ERAP2: variants seen among roughly 807,000 people sequenced by gnomAD.
The protein encoded by ERAP2 is endoplasmic reticulum aminopeptidase 2.
In ERAP2, 118 loss-of-function variants were observed where a neutral mutation model predicts 111.1. The observed-to-expected ratio is 1.06, with a 90% CI of 0.92 to 1.24. The LOEUF (loss-of-function observed/expected upper bound fraction) is 1.24. Ranked by LOEUF, ERAP2 falls within the 50% of genes most tolerant of loss-of-function variation. ERAP2 has a pLI of 0.00. For synonymous variants in ERAP2, 410 were observed against 401.2 expected (o/e 1.02, Z -0.26); for missense variants, 1,131 against 1,125.8 (o/e 1.00, Z -0.07).
chr5:96,909,118 G>C lies in ERAP2; in HGVS notation c.2169+1G>C, dbSNP rs764730560. On this transcript the variant is annotated splice_donor_variant, in intron 14 of 18. Transcript: ENST00000437043. LOFTEE classifies it high-confidence loss of function. ...TTCAGATATCTCTGAAAACCTCAAG[G>C]TTTGTGTTGCTTTTAGAAAATGTAT... The C allele has an allele frequency of 6.2e-7, 1 of 1,613,784 alleles. No individual in the cohort carries two copies. The highest frequency in any genetic ancestry group is 8.5e-7 in the Non-Finnish European group (1 of 1,179,772).
intron 11 of ERAP2, 85 bp from the exon 12 acceptor site, chr5:96,902,189 C>G: frequency 1.1e-6 from 1 of 926,408 alleles, no homozygotes; most frequent in African/African-American, 1.6e-5. Flanking sequence ...ACTTAGGTGC[C>G]TTTTACAGTC....
At position 96,883,866 on chromosome 5, in the gene ERAP2, AAGCC is replaced by A; in HGVS notation, c.652_655del (p.Ala218ThrfsTer39). The A allele has an allele frequency of 6.2e-7, 1 of 1,613,934 alleles. No individual in the cohort carries two copies. Among genetic ancestry groups the A allele is most frequent in the Non-Finnish European group, 8.5e-7 (1 of 1,179,906 alleles). ...CCTTGCTTTGATGAACCGTTGTTCA[AAGCC>A]AACTTTTCAATCAAGATACGAAGAG... On this transcript the variant is annotated frameshift_variant, in exon 3 of 19. Coordinates refer to ENST00000437043, the MANE Select transcript of ERAP2 (RefSeq NM_022350.5). LOFTEE classifies it high-confidence loss of function.
intron 7 of ERAP2, 105 bp downstream of exon 7, chr5:96,895,464 GT>G: frequency 1.2e-6 from 1 of 819,972 alleles, no homozygotes; most frequent in African/African-American, 1.8e-5. Flanking sequence ...TAATGTTGTG[GT>G]TTTTGAACAT....
At chr5:96,892,039 A>G (rs1321343812) in intron 5 of ERAP2, among the ~76,000 whole-genome samples, 4 of 152,156 alleles carry the variant, frequency 2.6e-5, no homozygotes, top group African/African-American at 7.2e-5. Context: ...AGAGTTCAGC[A>G]CTTTCAGGAA....
chr5:96,880,449 G>A (rs1783010056), intron 2 of ERAP2, among the ~76,000 whole-genome samples, 189 bp downstream of exon 2: 1 of 152,190 alleles, frequency 6.6e-6, no homozygotes, highest in Non-Finnish European at 1.5e-5. Flanking sequence ...GGACTCAGAG[G>A]CATAAACAGC....
rs1038323058 is a variant in ERAP2, at chr5:96,909,581, G to A, written c.2171G>A (p.Arg724His). The A allele has an allele frequency of 8.7e-6, 14 of 1,613,378 alleles. No homozygotes were observed. Among genetic ancestry groups the A allele is most frequent in the African/African-American group, 8.0e-5 (6 of 74,918 alleles). The change falls in exon 15 of 19, where the codon CGT becomes CAT. Residue 724 changes from arginine to histidine, a missense_variant and splice_region_variant. Transcript: ENST00000437043. ...NISDISENLK[R>H]YLLQYFKPVI... ...TTAACCATCTCATATTTTCTGCAGCGTTACCTTCTTCAGTATTTTAAGCCA... is the reference window on the plus strand; with the variant it reads ...TTAACCATCTCATATTTTCTGCAGCATTACCTTCTTCAGTATTTTAAGCCA...
chr5:96,880,412 G>T lies in ERAP2; in HGVS notation c.575+152G>T, dbSNP rs183491567. The T allele has an allele frequency of 9.7e-6, 7 of 725,272 alleles. No homozygotes were observed. The Admixed American group carries it at 1.8e-4, about 18-fold the overall frequency. The allele number at this position is 725,272 out of a possible 1,614,324, so 44.9% of individuals were successfully genotyped here. A position where few individuals can be genotyped will look rare whatever the true frequency, so the allele number is the denominator to read the frequency against. On this transcript the variant is annotated intron_variant, in intron 2 of 18. Coordinates refer to ENST00000437043, the MANE Select transcript of ERAP2 (RefSeq NM_022350.5). ...AAGGAAAAGATCTACCATTCCTTAA[G>T]GAAACCACAGTAGAGATGTAAAGAC...
chr5:96,908,856 T>C, intron 13 of ERAP2, 105 bp from the exon 14 acceptor site: 1 of 1,191,068 alleles, frequency 8.4e-7, no homozygotes. Context: ...CCAGCTATAA[T>C]GACCTACTTC....
intron 1 of ERAP2, among the ~76,000 whole-genome samples, chr5:96,878,073 C>T (rs1462144805): frequency 1.3e-5 from 2 of 152,084 alleles, no homozygotes; most frequent in South Asian, 4.1e-4. Context: ...AGAATTGATT[C>T]CCCCAAATTA....
intron 5 of ERAP2, among the ~76,000 whole-genome samples, chr5:96,889,869 G>C (rs1038179244): frequency 1.6e-4 from 24 of 151,038 alleles, no homozygotes; most frequent in Admixed American, 9.2e-4. Flanking sequence ...CACACGCATT[G>C]CATATTAGAA....
At chr5:96,898,963 C>A (rs1785156223) in intron 9 of ERAP2, among the ~76,000 whole-genome samples, 3 of 152,074 alleles carry the variant, frequency 2.0e-5, no homozygotes, top group Non-Finnish European at 4.4e-5. Context: ...AGTTTAGCTC[C>A]CCTCCAACAC....
chr5:96,886,820 G>A, intron 4 of ERAP2, 31 bp downstream of exon 4: 1 of 1,378,372 alleles, frequency 7.3e-7, no homozygotes, highest in South Asian at 2.1e-5. Context: ...TCTACGCAGT[G>A]CAGAAAAGTG....
chr5:96,906,504 G>A (rs957032975), intron 13 of ERAP2, among the ~76,000 whole-genome samples: 1 of 152,206 alleles, frequency 6.6e-6, no homozygotes, highest in Non-Finnish European at 1.5e-5. Flanking sequence ...CTGGGCTCAA[G>A]CAATCCTCCT....
chr5:96,915,692 G>A lies in ERAP2; in HGVS notation c.2662G>A (p.Asp888Asn). Residue 888 changes from aspartate to asparagine, a missense_variant, in exon 18 of 19, where the codon GAC becomes AAC. Asp to Asn is a conservative substitution (Grantham distance 23). Transcript: ENST00000437043. ...GGTGTTTCTTTTTATTTTCAGATTT[G>A]ACTTGGGCTCATATGACATAAGGAT... Reference protein sequence around the residue: ...ENWTHLLKKFDLGSYDIRMII... With the variant: ...ENWTHLLKKFNLGSYDIRMII... 1 of 1,525,932 alleles carries A rather than the reference G, an allele frequency of 6.6e-7. No individual in the cohort carries two copies. The highest frequency in any genetic ancestry group is 8.8e-7 in the Non-Finnish European group (1 of 1,138,110). 94.5% of individuals were successfully genotyped at this position (1,525,932 alleles called of 1,614,324 possible).
intron 1 of ERAP2, among the ~76,000 whole-genome samples, chr5:96,877,325 C>A (rs746084537): frequency 2.0e-5 from 3 of 152,136 alleles, no homozygotes; most frequent in Non-Finnish European, 2.9e-5. Flanking sequence ...CCTTTACAAC[C>A]CTTACTAGTT....
chr5:96,887,092 TATATATATAC>T (rs1394377851), intron 4 of ERAP2, among the ~76,000 whole-genome samples: 5 of 99,138 alleles, frequency 5.0e-5, no homozygotes, highest in Non-Finnish European at 1.0e-4. Flanking sequence ...TATATATATA[TATATATATAC>T]ACACACACAC....
At chr5:96,878,994 G>A (rs948554470) in intron 1 of ERAP2, among the ~76,000 whole-genome samples, 1 of 152,068 alleles carries the variant, frequency 6.6e-6, no homozygotes, top group South Asian at 2.1e-4. Flanking sequence ...AATCCCAACA[G>A]TTTGGGAGGA....
chr5:96,909,144 T>G, intron 14 of ERAP2, 27 bp downstream of exon 14: 1 of 1,605,812 alleles, frequency 6.2e-7, no homozygotes, highest in Non-Finnish European at 8.5e-7. Context: ...GAAAATGTAT[T>G]AAGTAAATAC....
Position 96,892,515 on chromosome 5 carries a change from C to T in ERAP2, c.1125+62C>T, listed in dbSNP as rs185661936. On this transcript the variant is annotated intron_variant, in intron 6 of 18. Transcript: ENST00000437043. Reference sequence around the variant, plus strand: ...CAAAATAACATTATATAGAACACGACCAATCTTCCTGAAACAAAATAAATC... The same window carrying T: ...CAAAATAACATTATATAGAACACGATCAATCTTCCTGAAACAAAATAAATC... 32 of 1,576,290 alleles carry T rather than the reference C, an allele frequency of 2.0e-5. No individual in the cohort carries two copies. In the Admixed American group the frequency reaches 5.0e-4, roughly 25 times the overall value.
Sources: gnomAD v4.1 joint callset for allele counts (sites outside exome capture counted in the v4.1 genomes callset) on GRCh38, gnomAD v4.1.1 for gene constraint, MANE v1.5 for transcripts, NCBI Gene and HGNC (gene_info 2026-07-23, HGNC 2026-07-21) for gene names.